Variants in FRAS1 observed in about 807,000 individuals in gnomAD.
FRAS1 encodes Fraser extracellular matrix complex subunit 1.
FRAS1 carries 290 observed loss-of-function variants against 435.2 expected under a neutral mutation model. The ratio of observed to expected loss-of-function variants is 0.67; its 90% CI spans 0.61 to 0.73. The LOEUF is 0.73. Among genes scored for constraint, FRAS1 ranks in the 30% least tolerant of loss-of-function variants. The pLI, the probability that FRAS1 is intolerant of heterozygous loss-of-function variation, is 0.00. For missense variants in FRAS1, 4,860 were observed against 5,001.5 expected (o/e 0.97, Z 0.85); for synonymous variants, 1,800 against 1,851.0 (o/e 0.97, Z 0.71).
chr4:78,354,023 T>TAAA (rs767987937), intron 20 of FRAS1, among the ~76,000 whole-genome samples: 5 of 106,058 alleles, frequency 4.7e-5, no homozygotes, highest in South Asian at 5.4e-4. Context: ...AAAAATAAAA[T>TAAA]AAAAAAAAAA....
At chr4:78,464,890 A>G (rs1454239407) in intron 49 of FRAS1, among the ~76,000 whole-genome samples, 1 of 152,170 alleles carries the variant, frequency 6.6e-6, no homozygotes, top group East Asian at 1.9e-4. Flanking sequence ...GGTAGATGAC[A>G]TTTTACCCAA....
intron 13 of FRAS1, 33 bp downstream of exon 13, chr4:78,284,581 G>A (rs762232861): frequency 2.1e-5 from 34 of 1,583,590 alleles, no homozygotes; most frequent in Non-Finnish European, 2.8e-5. Context: ...CAGAGGTGGT[G>A]GTGTGTGGGA....
chr4:78,247,276 A>C (rs1725288024), intron 4 of FRAS1, among the ~76,000 whole-genome samples: 1 of 152,158 alleles, frequency 6.6e-6, no homozygotes, highest in African/African-American at 2.4e-5. Context: ...GGGTAAGAAT[A>C]TACCCATGTG....
At chr4:78,434,449 C>G (rs1250592936) in intron 38 of FRAS1, among the ~76,000 whole-genome samples, 1 of 152,022 alleles carries the variant, frequency 6.6e-6, no homozygotes, top group African/African-American at 2.4e-5. Flanking sequence ...CTCGGTTTTC[C>G]CATATGTAAT....
chr4:78,334,376 T>C (rs1281800383), intron 19 of FRAS1, among the ~76,000 whole-genome samples: 1 of 138,808 alleles, frequency 7.2e-6, no homozygotes, highest in Non-Finnish European at 1.6e-5. Flanking sequence ...TTTTTTTTTT[T>C]TTTTTTTTTT....
intron 2 of FRAS1, among the ~76,000 whole-genome samples, chr4:78,123,239 T>G (rs368260367): frequency 2.4e-4 from 36 of 152,338 alleles, no homozygotes; most frequent in African/African-American, 8.4e-4. Context: ...AGGGAATCTT[T>G]TCCCCATTGC....
At chr4:78,346,028 A>G (rs1234097490) in intron 20 of FRAS1, among the ~76,000 whole-genome samples, 1 of 152,244 alleles carries the variant, frequency 6.6e-6, no homozygotes, top group Non-Finnish European at 1.5e-5. Flanking sequence ...ACTATAGGTC[A>G]GGGCTTGAAT....
rs564230697 is a variant in FRAS1 at position 78,255,409 on chromosome 4, G to T, written c.603+34G>T. On this transcript the variant is annotated intron_variant, in intron 6 of 73. Coordinates refer to ENST00000512123, the MANE Select transcript of FRAS1 (RefSeq NM_025074.7). ...GACAACCTCAGCATGCAGCCTTCAC[G>T]GGCTATTGAAGAACTTGGAGTCTCT... The T allele has an allele frequency of 1.0e-5, 16 of 1,551,196 alleles. No homozygotes were observed. The African/African-American group carries it at 1.9e-4, about 18-fold the overall frequency.
intron 40 of FRAS1, among the ~76,000 whole-genome samples, chr4:78,439,329 T>C (rs6533669): frequency 0.31 from 47,395 of 152,092 alleles, 8,423 homozygotes; most frequent in Admixed American, 0.4. Flanking sequence ...TTGTTAGTAC[T>C]GGGAATAAAA....
At position 78,387,379 on chromosome 4, in the gene FRAS1, C is replaced by G. The variant is rs750159212; in HGVS notation, c.3653C>G (p.Pro1218Arg). The part of the protein sequence containing the change: ...INIQAFSTQA[P>R]YVLRNEVLHI... ...TTCTTCCCTTCAACTCCACAGGCCCCCTATGTGCTGAGAAATGAAGTTCTC... is the reference window on the plus strand; with the variant it reads ...TTCTTCCCTTCAACTCCACAGGCCCGCTATGTGCTGAGAAATGAAGTTCTC... Residue 1218 changes from proline to arginine, a missense_variant, in exon 29 of 74, where the codon CCC becomes CGC. Physicochemically the swap from Pro to Arg is moderately radical, Grantham distance 103. Transcript: ENST00000512123. 2 of 1,604,788 alleles carry G rather than the reference C, an allele frequency of 1.2e-6. No homozygotes were observed. Among genetic ancestry groups the G allele is most frequent in the South Asian group, 1.1e-5 (1 of 89,068 alleles).
At chr4:78,508,421 A>G (rs944003018) in intron 62 of FRAS1, among the ~76,000 whole-genome samples, 1 of 152,186 alleles carries the variant, frequency 6.6e-6, no homozygotes, top group Non-Finnish European at 1.5e-5. Context: ...GCTATTCATG[A>G]TACAGCTTTG....
intron 2 of FRAS1, among the ~76,000 whole-genome samples, chr4:78,134,541 A>G (rs1422672335): frequency 1.3e-5 from 2 of 152,304 alleles, no homozygotes; most frequent in Non-Finnish European, 2.9e-5. Flanking sequence ...GAGAAACTCA[A>G]AAGAAAATTG....
At chr4:78,202,744 T>C (rs1274135089) in intron 2 of FRAS1, among the ~76,000 whole-genome samples, 1 of 152,202 alleles carries the variant, frequency 6.6e-6, no homozygotes, top group Non-Finnish European at 1.5e-5. Flanking sequence ...CTGTTTTAAT[T>C]GGTCTGGTGT....
intron 2 of FRAS1, among the ~76,000 whole-genome samples, chr4:78,106,187 G>T (rs1420453095): frequency 1.0e-5 from 1 of 95,306 alleles, no homozygotes; most frequent in Non-Finnish European, 2.2e-5. Context: ...GCCCGCCATT[G>T]CCCAGGCTTG....
chr4:78,275,425 T>A (rs1200374546), intron 9 of FRAS1, among the ~76,000 whole-genome samples: 1 of 152,240 alleles, frequency 6.6e-6, no homozygotes, highest in Non-Finnish European at 1.5e-5. Flanking sequence ...ATTTTTACAA[T>A]TTGGCATGTT....
At chr4:78,236,917 T>C (rs778762301) in intron 2 of FRAS1, among the ~76,000 whole-genome samples, 1 of 152,226 alleles carries the variant, frequency 6.6e-6, no homozygotes, top group Non-Finnish European at 1.5e-5. Flanking sequence ...CCCACACTTA[T>C]GCTTCATTTA....
At chr4:78,516,683 A>G (rs61185935) in intron 66 of FRAS1, among the ~76,000 whole-genome samples, 21,217 of 152,208 alleles carry the variant, frequency 0.14, 1,778 homozygotes, top group Non-Finnish European at 0.2. Flanking sequence ...AATCATAGTG[A>G]AAGGGGAAGC....
At chr4:78,419,590 C>A (rs1408449477) in intron 33 of FRAS1, among the ~76,000 whole-genome samples, 2 of 152,160 alleles carry the variant, frequency 1.3e-5, no homozygotes, top group Non-Finnish European at 2.9e-5. Flanking sequence ...TGGGGCCCTG[C>A]CATCAGTCAC....
At chr4:78,217,068 G>A (rs893122051) in intron 2 of FRAS1, among the ~76,000 whole-genome samples, 1 of 141,348 alleles carries the variant, frequency 7.1e-6, no homozygotes, top group Non-Finnish European at 1.6e-5. Context: ...ACCAATAAAA[G>A]ATAGCTAGAT....
Sources: allele counts gnomAD v4.1 joint callset (sites outside exome capture counted in the v4.1 genomes callset), GRCh38; gene constraint gnomAD v4.1.1; transcripts MANE v1.5; gene names NCBI Gene and HGNC (gene_info 2026-07-23, HGNC 2026-07-21).